The following ZMYND8 variants were observed in gnomAD, a reference collection of about 807,000 sequenced individuals.
The protein encoded by ZMYND8 is MYND-type zinc finger-containing chromatin reader ZMYND8.
In ZMYND8, 37 loss-of-function variants were observed where a neutral mutation model predicts 140.8. The ratio of observed to expected loss-of-function variants is 0.26; its 90% CI spans 0.20 to 0.35. The LOEUF (loss-of-function observed/expected upper bound fraction) is 0.35, where lower values mean the gene tolerates loss of function less well. ZMYND8 is among the 10% of genes least tolerant of loss of function. The pLI, the probability that ZMYND8 is intolerant of heterozygous loss-of-function variation, is 1.00. For synonymous variants in ZMYND8, 592 were observed against 597.1 expected (o/e 0.99, Z 0.12); for missense variants, 1,068 against 1,570.0 (o/e 0.68, Z 5.40).
intron 2 of ZMYND8, among the ~76,000 whole-genome samples, chr20:47,322,956 G>A (rs2080099849): frequency 6.6e-6 from 1 of 152,138 alleles, no homozygotes; most frequent in Non-Finnish European, 1.5e-5. Context: ...CAGTGTGTGG[G>A]CTCTGGAGCC....
rs2034982988 is a variant in ZMYND8, at chr20:47,209,516, CTCTCTTATTTCTTCTCTAATAT to C, written c.*1223_*1244del. The C allele has an allele frequency of 6.7e-6, 1 of 149,600 alleles. No individual in the cohort carries two copies. The highest frequency in any genetic ancestry group is 1.9e-4 in the East Asian group (1 of 5,166). 9.3% of individuals were successfully genotyped at this position (149,600 alleles called of 1,614,324 possible). On this transcript the variant is annotated 3_prime_UTR_variant, in exon 23 of 23. Transcript: ENST00000471951. ...CTTTCTCTCCTGTTTTCTTCTAATA[CTCTCTTATTTCTTCTCTAATAT>C]GGGTAACTAGCTGGAAACTGTACAG...
At chr20:47,316,149 G>A (rs2079378997) in intron 2 of ZMYND8, among the ~76,000 whole-genome samples, 1 of 151,946 alleles carries the variant, frequency 6.6e-6, no homozygotes, top group Non-Finnish European at 1.5e-5. Flanking sequence ...TGACCAACAT[G>A]GTGAAACCCC....
At chr20:47,272,426 G>A (rs2076012931) in intron 11 of ZMYND8, among the ~76,000 whole-genome samples, 1 of 152,122 alleles carries the variant, frequency 6.6e-6, no homozygotes, top group African/African-American at 2.4e-5. Flanking sequence ...CCAGACCAAA[G>A]GACCATTAGC....
At chr20:47,290,887 G>T (rs901060263) in intron 6 of ZMYND8, among the ~76,000 whole-genome samples, 1 of 152,056 alleles carries the variant, frequency 6.6e-6, no homozygotes, top group South Asian at 2.1e-4. Context: ...CACCGCGCCC[G>T]GCCAAACAGG....
chr20:47,313,419 G>A (rs6012154), intron 2 of ZMYND8, among the ~76,000 whole-genome samples: 12,290 of 150,926 alleles, frequency 0.081, 524 homozygotes, highest in African/African-American at 0.12. Flanking sequence ...TCAGGAGATC[G>A]AGACCATCCT....
intron 1 of ZMYND8, chr20:47,354,674 G>A (rs901768604): frequency 6.6e-6 from 1 of 152,088 alleles, no homozygotes; most frequent in Non-Finnish European, 1.5e-5. Flanking sequence ...AAAGATTACT[G>A]ACTCCATAAA....
intron 11 of ZMYND8, among the ~76,000 whole-genome samples, chr20:47,269,035 A>G (rs1319426761): frequency 1.3e-5 from 2 of 152,036 alleles, no homozygotes; most frequent in Admixed American, 6.6e-5. Flanking sequence ...ACCGCTCTCT[A>G]CTAAAAATAA....
intron 7 of ZMYND8, among the ~76,000 whole-genome samples, chr20:47,289,612 G>A (rs1363218888): frequency 2.0e-5 from 3 of 147,100 alleles, no homozygotes; most frequent in African/African-American, 5.0e-5. Context: ...TTGATCGAAT[G>A]AAAAAAAAAA....
At chr20:47,264,894 G>A (rs1047295956) in intron 11 of ZMYND8, among the ~76,000 whole-genome samples, 3 of 151,686 alleles carry the variant, frequency 2.0e-5, no homozygotes, top group African/African-American at 4.8e-5. Flanking sequence ...AAATTTAGCC[G>A]GGCATGGTGG....
At chr20:47,252,241 G>A (rs1012872951) in intron 12 of ZMYND8, among the ~76,000 whole-genome samples, 2 of 144,552 alleles carry the variant, frequency 1.4e-5, no homozygotes, top group Admixed American at 1.4e-4. Context: ...TGCAGTGAGC[G>A]AGATCGCACC....
At chr20:47,293,370 A>G (rs2077427000) in intron 5 of ZMYND8, among the ~76,000 whole-genome samples, 1 of 152,212 alleles carries the variant, frequency 6.6e-6, no homozygotes, top group African/African-American at 2.4e-5. Context: ...AAGTATTGTG[A>G]TAAATATACA....
intron 2 of ZMYND8, among the ~76,000 whole-genome samples, chr20:47,347,340 T>C (rs2148594625): frequency 6.6e-6 from 1 of 152,338 alleles, no homozygotes; most frequent in South Asian, 2.1e-4. Context: ...AACGCATAAA[T>C]TGTGTTTGTC....
At chr20:47,351,679 G>A in intron 1 of ZMYND8, 1 of 985,334 alleles carries the variant, frequency 1.0e-6, no homozygotes, top group South Asian at 4.7e-5. Flanking sequence ...GGGGGGAATG[G>A]TTAGCAGAGC....
rs568597737 is a variant in ZMYND8, at chr20:47,348,103, T to A, written c.15-177A>T. On this transcript the variant is annotated intron_variant, in intron 1 of 22. Coordinates refer to ENST00000471951, the MANE Select transcript of ZMYND8 (RefSeq NM_001281775.3). ...CAAAGTGTGAAGAGTCCTAAAGGAG[T>A]TTTTTAAAACACTAGGTTGTTCTTT... 3.3e-5 allele frequency: 22 copies of A among 659,100 alleles called. No individual in the cohort carries two copies. The East Asian group carries it at 5.8e-4, about 17-fold the overall frequency. The allele number at this position is 659,100 out of a possible 1,614,324, so 40.8% of individuals were successfully genotyped here. A position where few individuals can be genotyped will look rare whatever the true frequency, so the allele number is the denominator to read the frequency against.
At chr20:47,221,613 G>T in intron 19 of ZMYND8, 139 bp from the exon 20 acceptor site, 1 of 1,031,396 alleles carries the variant, frequency 9.7e-7, no homozygotes, top group Non-Finnish European at 1.3e-6. Context: ...GCTCAAGGGG[G>T]CCAGATTGCC....
chr20:47,351,733 A>G (rs1269606883), intron 1 of ZMYND8: 2 of 985,316 alleles, frequency 2.0e-6, no homozygotes, highest in African/African-American at 3.5e-5. Flanking sequence ...AGTCATCGGT[A>G]GCTAAGCTAT....
intron 12 of ZMYND8, among the ~76,000 whole-genome samples, chr20:47,249,749 C>CTCCA (rs1295138317): frequency 6.6e-6 from 1 of 152,162 alleles, no homozygotes; most frequent in Non-Finnish European, 1.5e-5. Flanking sequence ...ATTAGGGACC[C>CTCCA]TCCAAAGACA....
chr20:47,306,825 C>G (rs1269936893), intron 3 of ZMYND8, among the ~76,000 whole-genome samples: 1 of 152,110 alleles, frequency 6.6e-6, no homozygotes, highest in South Asian at 2.1e-4. Context: ...AGTGGAGAAT[C>G]TTCACATATG....
Position 47,334,829 on chromosome 20 carries a change from G to C in ZMYND8, c.85+13027C>G, listed in dbSNP as rs57389509. On this transcript the variant is annotated intron_variant, in intron 2 of 22. Coordinates refer to ENST00000471951, the MANE Select transcript of ZMYND8 (RefSeq NM_001281775.3). ...TTTCACCATGTTGGCCAGGCTGGTC[G>C]GAACTCCTGACCTCAGGTGATCCAC... is the stretch of plus-strand genomic sequence containing the variant. 1.2e-3 allele frequency among the ~76,000 whole-genome samples: 187 copies of C among 151,682 alleles called. 2 individuals are homozygous for C. The highest frequency in any genetic ancestry group is 4.4e-3 in the African/African-American group (181 of 41,428).
Sources: allele counts gnomAD v4.1 joint callset (sites outside exome capture counted in the v4.1 genomes callset), GRCh38; gene constraint gnomAD v4.1.1; transcripts MANE v1.5; gene names NCBI Gene and HGNC (gene_info 2026-07-23, HGNC 2026-07-21).